LRSAM1: variants seen among roughly 807,000 people sequenced by gnomAD.
LRSAM1 encodes the protein leucine rich repeat and sterile alpha motif containing 1.
LRSAM1 carries 96 observed loss-of-function variants against 118.1 expected under a neutral mutation model. The ratio of observed to expected loss-of-function variants is 0.81; its 90% confidence interval spans 0.69 to 0.96. The LOEUF (loss-of-function observed/expected upper bound fraction) is 0.96. LRSAM1 is among the 40% of genes least tolerant of loss of function. The pLI is 0.00. For missense variants in LRSAM1, 804 were observed against 915.5 expected, an observed-to-expected ratio of 0.88 and a Z score of 1.57; for synonymous variants, 322 against 364.2, an observed-to-expected ratio of 0.88 and a Z score of 1.32.
At chr9:127,461,045 G>A (rs1237497232) in intron 7 of LRSAM1, 128 bp from the exon 8 acceptor site, 2 of 601,162 alleles carry the variant, frequency 3.3e-6, no homozygotes, top group African/African-American at 3.7e-5. Context: ...TAGTAGAGAT[G>A]GGATTTCACT....
intron 3 of LRSAM1, among the ~76,000 whole-genome samples, 189 bp from the exon 4 acceptor site, chr9:127,454,809 T>C (rs1227585071): frequency 6.6e-6 from 1 of 152,142 alleles, no homozygotes; most frequent in Non-Finnish European, 1.5e-5. Context: ...TGCTTTTCAG[T>C]TCCTCATCCC....
At chr9:127,481,384 C>T (rs1214145488) in intron 15 of LRSAM1, among the ~76,000 whole-genome samples, 157 bp downstream of exon 15, 2 of 151,982 alleles carry the variant, frequency 1.3e-5, no homozygotes, top group Non-Finnish European at 2.9e-5. Context: ...TCCCGAGTAG[C>T]TGGGACTATA....
intron 5 of LRSAM1, among the ~76,000 whole-genome samples, chr9:127,455,939 G>C (rs1011385604): frequency 2.6e-5 from 4 of 152,156 alleles, no homozygotes; most frequent in African/African-American, 7.2e-5. Flanking sequence ...AATTAAATGA[G>C]TGGTAGATAG....
At position 127,496,082 on chromosome 9, in the gene LRSAM1, G is replaced by T; in HGVS notation, c.1817G>T (p.Gly606Val). ...SLDLLSQMSP[G>V]DLAKVGVSEA... ...GACCTGCTGAGCCAAATGAGCCCAG[G>T]GGACCTGGCCAAGGTGGGCAGCAGC... The change falls in exon 23 of 26, where the codon GGG becomes GTG. Residue 606 changes from glycine to valine, a missense_variant. Coordinates refer to ENST00000300417, the MANE Select transcript of LRSAM1 (RefSeq NM_001005373.4). The T allele has an allele frequency of 6.2e-7, 1 of 1,610,478 alleles. No homozygotes were observed. The highest frequency in any genetic ancestry group is 8.5e-7 in the Non-Finnish European group (1 of 1,179,996).
At position 127,497,270 on chromosome 9, in the gene LRSAM1, T is replaced by C; in HGVS notation, c.1848T>C (p.Ala616=). The change falls in exon 24 of 26, where the codon GCT becomes GCC. Residue 616 remains alanine, a synonymous_variant. Transcript: ENST00000300417. ...TGTCACAGGTGGGCGTCTCAGAAGCTGGCCTGCAGCACGAGATCCTCCGGA... is the reference window on the plus strand; with the variant it reads ...TGTCACAGGTGGGCGTCTCAGAAGCCGGCCTGCAGCACGAGATCCTCCGGA... ...GDLAKVGVSE[A]GLQHEILRRV... 6.2e-7 allele frequency: 1 copy of C among 1,613,242 alleles called. No homozygotes were observed. The highest frequency in any genetic ancestry group is 8.5e-7 in the Non-Finnish European group (1 of 1,179,976).
At chr9:127,495,685 T>A (rs1237614855) in intron 22 of LRSAM1, among the ~76,000 whole-genome samples, 1 of 152,146 alleles carries the variant, frequency 6.6e-6, no homozygotes. Context: ...GGAGCCACTG[T>A]CTGTCCAGCA....
chr9:127,451,614 C>T lies in LRSAM1; in HGVS notation c.-244C>T. The T allele has an allele frequency of 3.9e-6, 2 of 510,392 alleles. No individual in the cohort carries two copies. Among genetic ancestry groups the T allele is most frequent in the Non-Finnish European group, 7.1e-6 (2 of 280,736 alleles). The allele number at this position is 510,392 out of a possible 1,614,324, so 31.6% of individuals were successfully genotyped here. A position where few individuals can be genotyped will look rare whatever the true frequency, so the allele number is the denominator to read the frequency against. On this transcript the variant is annotated 5_prime_UTR_variant, in exon 1 of 26. Coordinates refer to ENST00000300417, the MANE Select transcript of LRSAM1 (RefSeq NM_001005373.4). ...TTCGGGTAGTTCGCTCCGGAGAAGT[C>T]TGAGAAGGGTGGCTCCGGTGATCCC...
chr9:127,462,261 T>G lies in LRSAM1; in HGVS notation c.416T>G (p.Leu139Arg), dbSNP rs1187315340. ...ATTGGGGTCTCTGCAGACAACAAGC[T>G]GAAGGAGCTTCCAGACACCGTGGGG... ...LQTLNVKDNK[L>R]KELPDTVGEL... Residue 139 changes from leucine (L) to arginine (R), a missense_variant, in exon 9 of 26, where the codon CTG (leucine) becomes CGG (arginine). Leu to Arg is a moderately radical substitution (Grantham distance 102). Transcript: ENST00000300417. The G allele has an allele frequency of 6.2e-7, 1 of 1,614,118 alleles. No individual in the cohort carries two copies. The highest frequency in any genetic ancestry group is 1.1e-5 in the South Asian group (1 of 91,076).
At chr9:127,495,238 C>T in intron 21 of LRSAM1, 82 bp from the exon 22 acceptor site, 1 of 1,324,068 alleles carries the variant, frequency 7.6e-7, no homozygotes, top group Non-Finnish European at 1.1e-6. Context: ...CAGGCATGAG[C>T]CACCGCGCCT....
intron 23 of LRSAM1, 140 bp from the exon 24 acceptor site, chr9:127,497,113 C>A: frequency 1.2e-6 from 1 of 810,758 alleles, no homozygotes; most frequent in Non-Finnish European, 2.0e-6. Flanking sequence ...GACCGTGGGC[C>A]CCGCCAGGCC....
At chr9:127,458,823 T>C (rs1588095660) in intron 6 of LRSAM1, among the ~76,000 whole-genome samples, 180 bp from the exon 7 acceptor site, 1 of 152,052 alleles carries the variant, frequency 6.6e-6, no homozygotes, top group South Asian at 2.1e-4. Flanking sequence ...AAGAAAATGG[T>C]ATAATGGTTT....
In LRSAM1 at chr9:127,484,802, C is replaced by CTTTTTTCTTTTTTTTTTTT. The variant is rs1184060505; in HGVS notation, c.1160-928_1160-927insCTTTTTTTTTTTTTTTTTT. Among the ~76,000 whole-genome samples, 4 of 61,204 alleles carry CTTTTTTCTTTTTTTTTTTT rather than the reference C, an allele frequency of 6.5e-5. 2 individuals carry two copies. Among genetic ancestry groups the CTTTTTTCTTTTTTTTTTTT allele is most frequent in the Non-Finnish European group, 9.8e-5 (2 of 20,398 alleles). 40.2% of individuals were successfully genotyped at this position (61,204 alleles called of 152,430 possible). Reference sequence around the variant, plus strand: ...CAATTATTTTAATTTTTTGATTTTTCTTTTTTTCTTTTTTTTTTTTTTTTG... The same window carrying CTTTTTTCTTTTTTTTTTTT: ...CAATTATTTTAATTTTTTGATTTTTCTTTTTTCTTTTTTTTTTTTTTTTTTTCTTTTTTTTTTTTTTTTG... On this transcript the variant is annotated intron_variant, in intron 16 of 25. Transcript: ENST00000300417.
intron 3 of LRSAM1, 120 bp downstream of exon 3, chr9:127,454,719 A>G (rs1834451969): frequency 1.8e-6 from 2 of 1,126,002 alleles, no homozygotes; most frequent in Non-Finnish European, 2.6e-6. Flanking sequence ...CCACCCACAG[A>G]AGAAATATTT....
intron 25 of LRSAM1, 86 bp downstream of exon 25, chr9:127,501,229 G>A: frequency 6.6e-7 from 1 of 1,505,406 alleles, no homozygotes; most frequent in Non-Finnish European, 9.0e-7. Flanking sequence ...CTCTGAACGT[G>A]TTTTCTCCAG....
intron 10 of LRSAM1, among the ~76,000 whole-genome samples, chr9:127,470,263 G>A (rs368413143): frequency 2.0e-5 from 3 of 152,008 alleles, no homozygotes; most frequent in African/African-American, 2.4e-5. Flanking sequence ...TCACATGGCC[G>A]GGAGGCCTCA....
chr9:127,471,989 A>G (rs894662996), intron 10 of LRSAM1, among the ~76,000 whole-genome samples: 9 of 150,744 alleles, frequency 6.0e-5, no homozygotes, highest in Non-Finnish European at 1.2e-4. Context: ...TTTGAGACAG[A>G]GTCTCACTGT....
chr9:127,484,263 C>CTTTTTTTTTTTTTTTTTTTTCTTTT (rs35834839), intron 16 of LRSAM1, among the ~76,000 whole-genome samples: 1 of 133,684 alleles, frequency 7.5e-6, no homozygotes, highest in Admixed American at 7.7e-5. Context: ...ATTTCTTTCC[C>CTTTTTTTTTTTTTTTTTTTTCTTTT]TTTTTTTTTT....
intron 7 of LRSAM1, among the ~76,000 whole-genome samples, chr9:127,460,334 C>T (rs1834687591): frequency 6.6e-6 from 1 of 152,186 alleles, no homozygotes; most frequent in African/African-American, 2.4e-5. Flanking sequence ...GTGTGTCATC[C>T]TGCTAGCCTT....
intron 16 of LRSAM1, among the ~76,000 whole-genome samples, chr9:127,484,935 G>A (rs1458365299): frequency 6.6e-6 from 1 of 150,802 alleles, no homozygotes; most frequent in Admixed American, 6.6e-5. Context: ...AGACTCCCAA[G>A]TAGCTGGGAT....
Sources: allele counts gnomAD v4.1 joint callset (sites outside exome capture counted in the v4.1 genomes callset), GRCh38; gene constraint gnomAD v4.1.1; transcripts MANE v1.5; gene names NCBI Gene and HGNC (gene_info 2026-07-23, HGNC 2026-07-21).